Variants in CRHBP observed in about 807,000 individuals in gnomAD.
CRHBP encodes the protein corticotropin-releasing hormone-binding protein.
Under a neutral mutation model 34.9 loss-of-function variants are expected in CRHBP, and 19 were observed. That is an observed-to-expected ratio of 0.55 (90% CI 0.38 to 0.80). CRHBP has a LOEUF of 0.80. CRHBP is among the 30% of genes least tolerant of loss of function. The pLI is 0.00. For synonymous variants in CRHBP, 154 were observed against 153.4 expected (o/e 1.00, Z -0.03); for missense variants, 328 against 409.2 (o/e 0.80, Z 1.71).
intron 6 of CRHBP, among the ~76,000 whole-genome samples, chr5:76,964,389 A>G (rs932781521): frequency 1.3e-5 from 2 of 152,240 alleles, no homozygotes; most frequent in African/African-American, 4.8e-5. Context: ...CAAAGCAGAC[A>G]GTCCTCTTGA....
Position 76,958,824 on chromosome 5 carries a change from A to G in CRHBP, c.628A>G (p.Ile210Val). Residue 210 changes from isoleucine to valine, a missense_variant, in exon 5 of 7, where the codon ATT (isoleucine) becomes GTT (valine). This residue lies in a region of CRHBP where 144 missense variants were observed against 216.7 expected (regional missense o/e 0.66). Coordinates refer to ENST00000274368, the MANE Select transcript of CRHBP (RefSeq NM_001882.4). ...GCATCGAAACTGCAGCTTCTCCATA[A>G]TTTATCCTGTGGTGATCAAAATATC... The part of the protein sequence containing the change: ...HQHRNCSFSI[I>V]YPVVIKISDL... 1.2e-6 allele frequency: 2 copies of G among 1,614,084 alleles called. No individual in the cohort carries two copies. The highest frequency in any genetic ancestry group is 1.1e-5 in the South Asian group (1 of 91,052).
At chr5:76,967,881 T>C (rs1457635498) in intron 6 of CRHBP, among the ~76,000 whole-genome samples, 1 of 152,076 alleles carries the variant, frequency 6.6e-6, no homozygotes, top group Non-Finnish European at 1.5e-5. Context: ...GTATTTTTAG[T>C]AGAGACGGGG....
chr5:76,954,076 G>C lies in CRHBP; in HGVS notation c.223G>C (p.Asp75His), dbSNP rs377064988. The C allele has an allele frequency of 6.2e-7, 1 of 1,613,916 alleles. No individual in the cohort carries two copies. The highest frequency in any genetic ancestry group is 1.1e-5 in the South Asian group (1 of 91,058). Residue 75 changes from aspartate to histidine, a missense_variant, in exon 3 of 7, where the codon GAC becomes CAC. Transcript: ENST00000274368. ...CCAGGGCCAGTTCACCTTCACCGCCGACCGGCCGCAGCTGCACTGCGCAGC... is the reference window on the plus strand; with the variant it reads ...CCAGGGCCAGTTCACCTTCACCGCCCACCGGCCGCAGCTGCACTGCGCAGC... Reference protein sequence around the residue: ...SLQGQFTFTADRPQLHCAAFF... With the variant: ...SLQGQFTFTAHRPQLHCAAFF...
chr5:76,975,818 AAAAAAAAATATAT>A (rs1561269722), intron 2 of CRHBP, among the ~76,000 whole-genome samples: 88 of 99,948 alleles, frequency 8.8e-4, no homozygotes, highest in African/African-American at 5.2e-3. Flanking sequence ...AAAAAAAAAA[AAAAAAAAATATAT>A]ATATATATAT....
intron 3 of CRHBP, among the ~76,000 whole-genome samples, chr5:76,954,738 G>T (rs576887533): frequency 6.6e-6 from 1 of 152,132 alleles, no homozygotes; most frequent in Non-Finnish European, 1.5e-5. Context: ...TGCCGAGGGG[G>T]CATCTAGATT....
intron 6 of CRHBP, among the ~76,000 whole-genome samples, chr5:76,967,915 T>C (rs1386951756): frequency 6.6e-6 from 1 of 152,036 alleles, no homozygotes; most frequent in East Asian, 1.9e-4. Flanking sequence ...GCCAGGCTGG[T>C]CTCAAACTCC....
At chr5:76,977,829 A>G (rs1746062476) in intron 3 of CRHBP, among the ~76,000 whole-genome samples, 1 of 152,242 alleles carries the variant, frequency 6.6e-6, no homozygotes, top group African/African-American at 2.4e-5. Flanking sequence ...GCTAAAAGCT[A>G]AGCGTCTTAT....
At chr5:76,957,283 G>C (rs550818657) in intron 4 of CRHBP, among the ~76,000 whole-genome samples, 5 of 152,180 alleles carry the variant, frequency 3.3e-5, no homozygotes, top group Non-Finnish European at 7.3e-5. Flanking sequence ...AAGGAGGCAA[G>C]AGGTGTTTCT....
intron 5 of CRHBP, chr5:76,963,130 A>C (rs1745805249): frequency 1.9e-6 from 1 of 517,414 alleles, no homozygotes; most frequent in East Asian, 3.0e-5. Flanking sequence ...ATTTCTAAAA[A>C]AAATGATTAC....
chr5:76,977,490 C>T (rs755897453), intron 3 of CRHBP, among the ~76,000 whole-genome samples: 6 of 152,088 alleles, frequency 3.9e-5, no homozygotes, highest in Non-Finnish European at 7.4e-5. Flanking sequence ...TTATGGTGAT[C>T]TGTGATCAGA....
At chr5:76,954,463 C>T (rs567797657) in intron 3 of CRHBP, among the ~76,000 whole-genome samples, 10 of 152,240 alleles carry the variant, frequency 6.6e-5, no homozygotes, top group African/African-American at 2.4e-4. Flanking sequence ...TGGGCGCTTT[C>T]GAGGCCCTAG....
At chr5:76,977,042 C>T (rs976815522) in intron 3 of CRHBP, among the ~76,000 whole-genome samples, 3 of 152,168 alleles carry the variant, frequency 2.0e-5, no homozygotes, top group African/African-American at 7.2e-5. Flanking sequence ...CTTCCCTATC[C>T]TGGCCTTTCC....
chr5:76,964,624 C>T (rs188082935), intron 6 of CRHBP, among the ~76,000 whole-genome samples: 10 of 152,278 alleles, frequency 6.6e-5, no homozygotes, highest in East Asian at 1.9e-4. Context: ...GAGGCCGAAG[C>T]GGGCAGATTA....
At chr5:76,977,567 G>A (rs971540507) in intron 3 of CRHBP, among the ~76,000 whole-genome samples, 2 of 152,202 alleles carry the variant, frequency 1.3e-5, no homozygotes, top group Non-Finnish European at 2.9e-5. Flanking sequence ...GCCCATAGAA[G>A]ACAGTGAACT....
chr5:76,953,740 G>T (rs990847351), intron 2 of CRHBP, 46 bp downstream of exon 2: 1 of 1,547,426 alleles, frequency 6.5e-7, no homozygotes. Flanking sequence ...ACGCGGGGAA[G>T]GTGGGACTCT....
downstream of CRHBP, among the ~76,000 whole-genome samples, chr5:76,972,066 G>C (rs1283378459): frequency 2.0e-5 from 3 of 152,064 alleles, no homozygotes; most frequent in African/African-American, 7.2e-5. Context: ...TTTTGAGACA[G>C]GGTCTTGCTC....
In CRHBP at chr5:76,954,765, C is replaced by G. The variant is rs116442236; in HGVS notation, c.333+579C>G. On this transcript the variant is annotated intron_variant, in intron 3 of 6. Coordinates refer to ENST00000274368, the MANE Select transcript of CRHBP (RefSeq NM_001882.4). Reference sequence around the variant, plus strand: ...ATCTAGATTGAGATAGGTGGGAGGGCAGGACAAGACCCCTAAGCTCACTGC... The same window carrying G: ...ATCTAGATTGAGATAGGTGGGAGGGGAGGACAAGACCCCTAAGCTCACTGC... 3.5e-3 allele frequency among the ~76,000 whole-genome samples: 531 copies of G among 152,258 alleles called. 3 individuals carry two copies. The highest frequency in any genetic ancestry group is 0.012 in the African/African-American group (496 of 41,552).
Position 76,968,911 on chromosome 5 carries a change from T to C in CRHBP, c.*26T>C. On this transcript the variant is annotated 3_prime_UTR_variant, in exon 7 of 7. Coordinates refer to ENST00000274368, the MANE Select transcript of CRHBP (RefSeq NM_001882.4). ...ATAACCAACCCAGTGATTTACATGC[T>C]GATAGCTAAGTGAGTTTTTAATGGC... 2 of 1,604,598 alleles carry C rather than the reference T, an allele frequency of 1.2e-6. No individual in the cohort carries two copies. The highest frequency in any genetic ancestry group is 1.7e-6 in the Non-Finnish European group (2 of 1,173,642).
chr5:76,966,096 G>A (rs1034062780), intron 6 of CRHBP, among the ~76,000 whole-genome samples: 2 of 152,112 alleles, frequency 1.3e-5, no homozygotes, highest in Non-Finnish European at 2.9e-5. Context: ...TCGGCTCACC[G>A]CAACCTCCAC....
Sources: gnomAD v4.1 joint callset for allele counts (sites outside exome capture counted in the v4.1 genomes callset) on GRCh38, gnomAD v4.1.1 for gene constraint, gnomAD v4.1.1 regional missense constraint, MANE v1.5 for transcripts, NCBI Gene and HGNC (gene_info 2026-07-23, HGNC 2026-07-21) for gene names.